The following SEMA5A variants were observed in gnomAD, a reference collection of about 807,000 sequenced individuals.
SEMA5A encodes the protein semaphorin-5A.
SEMA5A carries 55 observed loss-of-function variants against 135.5 expected under a neutral mutation model. The observed-to-expected ratio is 0.41, with a 90% CI of 0.33 to 0.51. The LOEUF (loss-of-function observed/expected upper bound fraction) is 0.51, where lower values mean the gene tolerates loss of function less well. SEMA5A is among the 20% of genes least tolerant of loss of function. The pLI is 0.37. For synonymous variants in SEMA5A, 580 were observed against 546.5 expected (o/e 1.06, Z -0.85); for missense variants, 1,290 against 1,419.9 (o/e 0.91, Z 1.47).
intron 4 of SEMA5A, among the ~76,000 whole-genome samples, chr5:9,323,657 C>CTTTTTT (rs35243676): frequency 4.6e-5 from 5 of 108,948 alleles, no homozygotes; most frequent in African/African-American, 1.1e-4. Flanking sequence ...TCTTTTTTTC[C>CTTTTTT]TTTTTTTTTT....
intron 5 of SEMA5A, among the ~76,000 whole-genome samples, chr5:9,307,146 A>C (rs1037400761): frequency 6.6e-6 from 1 of 152,234 alleles, no homozygotes; most frequent in Non-Finnish European, 1.5e-5. Context: ...CTGAGCAACC[A>C]ACCCATATAA....
chr5:9,213,126 G>A (rs1217095072), intron 8 of SEMA5A, among the ~76,000 whole-genome samples: 1 of 152,076 alleles, frequency 6.6e-6, no homozygotes, highest in Non-Finnish European at 1.5e-5. Flanking sequence ...CATTCATGAG[G>A]GACTCCACCT....
At chr5:9,518,012 A>G (rs1736621381) in intron 1 of SEMA5A, 1 of 152,206 alleles carries the variant, frequency 6.6e-6, no homozygotes, top group Non-Finnish European at 1.5e-5. Flanking sequence ...GTAACTATGG[A>G]AACCAGACAA....
chr5:9,369,443 A>T (rs1434706025), intron 3 of SEMA5A, among the ~76,000 whole-genome samples: 1 of 152,138 alleles, frequency 6.6e-6, no homozygotes, highest in Admixed American at 6.5e-5. Context: ...AATATTTCTT[A>T]TATGTTTTCT....
At chr5:9,359,964 A>T (rs1034175210) in intron 3 of SEMA5A, among the ~76,000 whole-genome samples, 3 of 152,182 alleles carry the variant, frequency 2.0e-5, no homozygotes, top group African/African-American at 4.8e-5. Flanking sequence ...AGATTTAAAA[A>T]TTTTTGCTAT....
chr5:9,309,147 T>C (rs1161430013), intron 5 of SEMA5A, among the ~76,000 whole-genome samples: 3 of 152,128 alleles, frequency 2.0e-5, no homozygotes, highest in African/African-American at 7.2e-5. Flanking sequence ...TTCCTGGCTG[T>C]CCTCTCCAAA....
chr5:9,484,776 T>C (rs1192929756), intron 1 of SEMA5A, among the ~76,000 whole-genome samples: 3 of 152,104 alleles, frequency 2.0e-5, no homozygotes, highest in Non-Finnish European at 2.9e-5. Flanking sequence ...TGGATGGTAT[T>C]GAATGGATCC....
rs1229122888 is a variant in SEMA5A, at chr5:9,273,358, T to C, written c.271-35468A>G. ...ACTATGTGAAAAGACTAAATCTATG[T>C]TTGATTGGGCTACCTTAAAGTGACA... On this transcript the variant is annotated intron_variant, in intron 5 of 22. Transcript: ENST00000382496. Among the ~76,000 whole-genome samples, 3 of 152,044 alleles carry C rather than the reference T, an allele frequency of 2.0e-5. No individual in the cohort carries two copies. The East Asian group carries it at 5.8e-4, about 29-fold the overall frequency.
chr5:9,389,187 A>G (rs775741293), intron 2 of SEMA5A, among the ~76,000 whole-genome samples: 1 of 151,816 alleles, frequency 6.6e-6, no homozygotes, highest in Non-Finnish European at 1.5e-5. Flanking sequence ...TAACTCCCCA[A>G]TCTCTCTGTA....
intron 4 of SEMA5A, among the ~76,000 whole-genome samples, chr5:9,334,253 A>G (rs1753282448): frequency 6.6e-6 from 1 of 152,220 alleles, no homozygotes; most frequent in Non-Finnish European, 1.5e-5. Context: ...TTCACAACTC[A>G]TATTTTTAAA....
At chr5:9,316,431 T>C (rs1208462691) in intron 5 of SEMA5A, among the ~76,000 whole-genome samples, 1 of 152,174 alleles carries the variant, frequency 6.6e-6, no homozygotes, top group African/African-American at 2.4e-5. Flanking sequence ...CTGACGGAGC[T>C]AGCAAATTTA....
Position 9,084,919 on chromosome 5 carries a change from G to A in SEMA5A, c.2074-18273C>T, listed in dbSNP as rs1045795824. 2.0e-5 allele frequency among the ~76,000 whole-genome samples: 3 copies of A among 152,148 alleles called. No homozygotes were observed. In the South Asian group the frequency reaches 6.2e-4, roughly 32 times the overall value. ...ATGCTGATAGCGATATGGACAATAAGGTCCAGGCTGAGGTGGTCTCAAATG... is the reference window on the plus strand; with the variant it reads ...ATGCTGATAGCGATATGGACAATAAAGTCCAGGCTGAGGTGGTCTCAAATG... On this transcript the variant is annotated intron_variant, in intron 16 of 22. Coordinates refer to ENST00000382496, the MANE Select transcript of SEMA5A (RefSeq NM_003966.3).
At chr5:9,104,149 C>T (rs1479952260) in intron 16 of SEMA5A, among the ~76,000 whole-genome samples, 2 of 152,096 alleles carry the variant, frequency 1.3e-5, no homozygotes, top group East Asian at 1.9e-4. Flanking sequence ...TGGTCCAGTC[C>T]CCCACTGGCA....
chr5:9,507,959 G>C (rs1369122997), intron 1 of SEMA5A, among the ~76,000 whole-genome samples: 2 of 150,986 alleles, frequency 1.3e-5, no homozygotes, highest in Non-Finnish European at 2.9e-5. Flanking sequence ...AGCCAAGATT[G>C]CGCCACTGCA....
chr5:9,510,664 G>A (rs186256347), intron 1 of SEMA5A, among the ~76,000 whole-genome samples: 1 of 152,200 alleles, frequency 6.6e-6, no homozygotes, highest in Admixed American at 6.5e-5. Context: ...AAATGAAATT[G>A]CATTTTCTTA....
At chr5:9,096,915 C>T (rs1435652138) in intron 16 of SEMA5A, among the ~76,000 whole-genome samples, 1 of 151,976 alleles carries the variant, frequency 6.6e-6, no homozygotes, top group African/African-American at 2.4e-5. Flanking sequence ...CCTGTTAGGA[C>T]AGGTACTCTC....
At chr5:9,404,910 T>C (rs1057321035) in intron 2 of SEMA5A, among the ~76,000 whole-genome samples, 1 of 152,200 alleles carries the variant, frequency 6.6e-6, no homozygotes, top group Non-Finnish European at 1.5e-5. Context: ...TGAAAAGTAT[T>C]AGATTCCAGG....
At position 9,036,587 on chromosome 5, in the gene SEMA5A, A is replaced by G. The variant is rs1237288471; in HGVS notation, c.*6310T>C. The stretch of plus-strand genomic sequence containing the variant: ...AACATGTAAAAATTAAAGTGATGTT[A>G]GTTTCTAGAAGGCTAATACTGAAGT... On this transcript the variant is annotated 3_prime_UTR_variant, in exon 23 of 23. Transcript: ENST00000382496. 1 of 152,332 alleles carries G rather than the reference A, an allele frequency of 6.6e-6. No homozygotes were observed. The highest frequency in any genetic ancestry group is 2.4e-5 in the African/African-American group (1 of 41,450). 9.4% of individuals were successfully genotyped at this position (152,332 alleles called of 1,614,324 possible). A position where few individuals can be genotyped will look rare whatever the true frequency, so the allele number is the denominator to read the frequency against.
intron 5 of SEMA5A, among the ~76,000 whole-genome samples, chr5:9,264,606 G>A (rs138259141): frequency 6.6e-4 from 100 of 152,162 alleles, no homozygotes; most frequent in African/African-American, 2.2e-3. Context: ...CAGGTTGCTG[G>A]GGGTGTGGCA....
Sources: allele counts gnomAD v4.1 joint callset (sites outside exome capture counted in the v4.1 genomes callset), GRCh38; gene constraint gnomAD v4.1.1; transcripts MANE v1.5; gene names NCBI Gene and HGNC (gene_info 2026-07-23, HGNC 2026-07-21).